Variants in HTR1F observed in about 807,000 individuals in gnomAD.
HTR1F encodes 5-hydroxytryptamine (serotonin) receptor 1F, G protein-coupled.
In HTR1F, 17 loss-of-function variants were observed where a neutral mutation model predicts 24.0. The ratio of observed to expected loss-of-function variants is 0.71; its 90% CI spans 0.48 to 1.06. HTR1F has a LOEUF of 1.06. HTR1F is among the 50% of genes least tolerant of loss of function. HTR1F has a pLI of 0.00. For synonymous variants in HTR1F, 186 were observed against 156.8 expected (o/e 1.19, Z -1.39); for missense variants, 391 against 427.8 (o/e 0.91, Z 0.76).
intron 2 of HTR1F, among the ~76,000 whole-genome samples, chr3:87,833,956 T>A (rs1379900630): frequency 6.6e-6 from 1 of 152,230 alleles, no homozygotes; most frequent in Non-Finnish European, 1.5e-5. Context: ...TGATTGTCTT[T>A]AAAGAAAAAT....
intron 1 of HTR1F, among the ~76,000 whole-genome samples, chr3:87,797,605 C>T (rs1005431984): frequency 5.3e-5 from 8 of 151,840 alleles, no homozygotes; most frequent in Non-Finnish European, 8.8e-5. Context: ...CTTTGAATCA[C>T]GTGCACATAG....
At chr3:87,913,044 T>A (rs1310555126) in intron 2 of HTR1F, among the ~76,000 whole-genome samples, 1 of 151,994 alleles carries the variant, frequency 6.6e-6, no homozygotes, top group Non-Finnish European at 1.5e-5. Context: ...TATTTTATGA[T>A]GAAGACCTCA....
intron 2 of HTR1F, among the ~76,000 whole-genome samples, chr3:87,914,843 C>T (rs1362207887): frequency 6.6e-5 from 10 of 152,142 alleles, no homozygotes; most frequent in Non-Finnish European, 1.5e-4. Flanking sequence ...ACTACCACAG[C>T]TGATGCTCTC....
intron 2 of HTR1F, among the ~76,000 whole-genome samples, chr3:87,953,349 C>T (rs1171275290): frequency 5.8e-5 from 6 of 103,882 alleles, no homozygotes; most frequent in South Asian, 2.4e-4. Context: ...CTCGATTTAA[C>T]GGCAAAAAAA....
intron 1 of HTR1F, among the ~76,000 whole-genome samples, chr3:87,814,977 A>T (rs971797031): frequency 6.6e-6 from 1 of 152,142 alleles, no homozygotes; most frequent in Non-Finnish European, 1.5e-5. Flanking sequence ...GACAAAATTT[A>T]AAAAGCTATG....
chr3:87,924,721 C>T (rs1704085061), intron 2 of HTR1F, among the ~76,000 whole-genome samples: 1 of 152,112 alleles, frequency 6.6e-6, no homozygotes, highest in Admixed American at 6.6e-5. Context: ...ATGGTTTCTG[C>T]TGAGAAATCT....
chr3:87,895,437 T>C (rs1425620497), intron 2 of HTR1F, among the ~76,000 whole-genome samples: 2 of 152,114 alleles, frequency 1.3e-5, no homozygotes, highest in African/African-American at 4.8e-5. Flanking sequence ...ATTATTTGTG[T>C]ATACACAAAT....
In HTR1F at chr3:87,948,241, A is replaced by G. The variant is rs573638714; in HGVS notation, c.-42-42467A>G. On this transcript the variant is annotated intron_variant, in intron 2 of 2. Coordinates refer to ENST00000319595, the MANE Select transcript of HTR1F (RefSeq NM_001322209.2). ...TCCAATTTTCAGAGCATCCTAATTA[A>G]TTATTATAATAACTTCTGTGAACTA... is the stretch of plus-strand genomic sequence containing the variant. Among the ~76,000 whole-genome samples, 16 of 152,322 alleles carry G rather than the reference A, an allele frequency of 1.1e-4. No individual in the cohort carries two copies. In the East Asian group the frequency reaches 2.1e-3, roughly 20 times the overall value.
intron 2 of HTR1F, among the ~76,000 whole-genome samples, chr3:87,929,648 C>G (rs1251866039): frequency 6.6e-6 from 1 of 152,050 alleles, no homozygotes; most frequent in East Asian, 1.9e-4. Flanking sequence ...TACTCAGTTC[C>G]ATTGGTCTAT....
chr3:87,817,551 A>G (rs1426267900), intron 1 of HTR1F, among the ~76,000 whole-genome samples: 1 of 152,180 alleles, frequency 6.6e-6, no homozygotes, highest in Non-Finnish European at 1.5e-5. Context: ...AACAGTCGGG[A>G]ATACTACACT....
chr3:87,846,309 C>G (rs1704941176), intron 2 of HTR1F, among the ~76,000 whole-genome samples: 3 of 151,776 alleles, frequency 2.0e-5, no homozygotes, highest in Non-Finnish European at 4.4e-5. Flanking sequence ...TGGCAAGCAC[C>G]TGTAATCCCA....
At chr3:87,927,216 G>A (rs1429198940) in intron 2 of HTR1F, among the ~76,000 whole-genome samples, 1 of 152,120 alleles carries the variant, frequency 6.6e-6, no homozygotes, top group Non-Finnish European at 1.5e-5. Flanking sequence ...ATAAGTGCCT[G>A]AAAAATAGCT....
At position 87,952,549 on chromosome 3, in the gene HTR1F, C is replaced by G. The variant is rs184982621; in HGVS notation, c.-42-38159C>G. On this transcript the variant is annotated intron_variant, in intron 2 of 2. Coordinates refer to ENST00000319595, the MANE Select transcript of HTR1F (RefSeq NM_001322209.2). Reference sequence around the variant, plus strand: ...ACAAAAAGTGCTAAAACATTGTCAGCATCAATAAATTGCGATCAGCCCTAA... The same window carrying G: ...ACAAAAAGTGCTAAAACATTGTCAGGATCAATAAATTGCGATCAGCCCTAA... 2.0e-5 allele frequency among the ~76,000 whole-genome samples: 3 copies of G among 152,048 alleles called. No individual in the cohort carries two copies. The East Asian group carries it at 5.8e-4, about 29-fold the overall frequency.
At chr3:87,864,902 A>AAAAAAGAAAAG (rs1457272433) in intron 2 of HTR1F, among the ~76,000 whole-genome samples, 3 of 144,470 alleles carry the variant, frequency 2.1e-5, no homozygotes, top group African/African-American at 8.1e-5. Context: ...AAAAAAAAAA[A>AAAAAAGAAAAG]AAAAGAAAAG....
chr3:87,886,735 G>A (rs893030138), intron 2 of HTR1F, among the ~76,000 whole-genome samples: 1 of 152,062 alleles, frequency 6.6e-6, no homozygotes, highest in Non-Finnish European at 1.5e-5. Context: ...ATTCACAATT[G>A]CTACAGAGAA....
chr3:87,820,251 A>G (rs1028696601), intron 1 of HTR1F, among the ~76,000 whole-genome samples: 22 of 140,918 alleles, frequency 1.6e-4, no homozygotes, highest in African/African-American at 5.7e-4. Flanking sequence ...ATCTCGGCTC[A>G]CTGCAAGCTC....
At chr3:87,949,334 A>T (rs142947036) in intron 2 of HTR1F, among the ~76,000 whole-genome samples, 1 of 152,368 alleles carries the variant, frequency 6.6e-6, no homozygotes, top group African/African-American at 2.4e-5. Context: ...TAATAGCAGC[A>T]GCTTAAAAGT....
intron 2 of HTR1F, among the ~76,000 whole-genome samples, chr3:87,958,572 T>C (rs1704995295): frequency 6.6e-6 from 1 of 151,612 alleles, no homozygotes. Context: ...TAACCTAGTC[T>C]CCATTTTAGC....
intron 2 of HTR1F, among the ~76,000 whole-genome samples, chr3:87,944,320 G>C (rs1333407705): frequency 1.3e-5 from 2 of 152,160 alleles, no homozygotes; most frequent in Non-Finnish European, 2.9e-5. Flanking sequence ...GTAACCTTTT[G>C]AGTCAGGATT....
Sources: gnomAD v4.1 joint callset for allele counts (sites outside exome capture counted in the v4.1 genomes callset) on GRCh38, gnomAD v4.1.1 for gene constraint, MANE v1.5 for transcripts, NCBI Gene and HGNC (gene_info 2026-07-23, HGNC 2026-07-21) for gene names.